SPOCK2: variants seen among roughly 807,000 people sequenced by gnomAD.
The protein encoded by SPOCK2 is SPARC (osteonectin), cwcv and kazal like domains proteoglycan 2, also known as testican-2.
Under a neutral mutation model 60.1 loss-of-function variants are expected in SPOCK2, and 39 were observed. That is an observed-to-expected ratio of 0.65 (90% confidence interval 0.50 to 0.85). SPOCK2 has a LOEUF of 0.85. Among genes scored for constraint, SPOCK2 ranks in the 40% least tolerant of loss-of-function variants. The probability of loss-of-function intolerance (pLI) is 0.00; values close to 1 mark genes in which losing one functional copy is unlikely to be tolerated. For synonymous variants in SPOCK2, 217 were observed against 231.5 expected (o/e 0.94, Z 0.57); for missense variants, 523 against 567.4 (o/e 0.92, Z 0.80).
chr10:72,073,788 C>T (rs1475998440), intron 1 of SPOCK2, among the ~76,000 whole-genome samples: 2 of 152,248 alleles, frequency 1.3e-5, no homozygotes, highest in African/African-American at 2.4e-5. Context: ...CAGAGAGCCT[C>T]CCACCTGACC....
chr10:72,084,271 G>A (rs1323716624), intron 1 of SPOCK2, among the ~76,000 whole-genome samples: 1 of 152,224 alleles, frequency 6.6e-6, no homozygotes, highest in Non-Finnish European at 1.5e-5. Flanking sequence ...CCAGCCCCCT[G>A]GCAAGGTGCC....
chr10:72,078,031 A>G (rs1477384035), intron 1 of SPOCK2, among the ~76,000 whole-genome samples: 1 of 152,158 alleles, frequency 6.6e-6, no homozygotes, highest in African/African-American at 2.4e-5. Context: ...GTTTGATCTC[A>G]TTTTGGGGAA....
intron 2 of SPOCK2, 150 bp downstream of exon 2, chr10:72,072,752 C>T: frequency 7.2e-7 from 1 of 1,396,492 alleles, no homozygotes; most frequent in Non-Finnish European, 9.9e-7. Context: ...AGAATCCTTT[C>T]CAGCCTCTCC....
At chr10:72,081,160 T>G (rs909257916) in intron 1 of SPOCK2, among the ~76,000 whole-genome samples, 6 of 152,200 alleles carry the variant, frequency 3.9e-5, no homozygotes, top group Admixed American at 3.9e-4. Context: ...GGGTTGCAGG[T>G]GCCTGCCCTT....
At chr10:72,073,628 C>T (rs189285135) in intron 1 of SPOCK2, among the ~76,000 whole-genome samples, 270 of 152,314 alleles carry the variant, frequency 1.8e-3, no homozygotes, top group Non-Finnish European at 2.8e-3. Context: ...CAGGTCCTCC[C>T]GTCACACAAC....
At chr10:72,078,291 G>T (rs913251457) in intron 1 of SPOCK2, among the ~76,000 whole-genome samples, 1 of 152,088 alleles carries the variant, frequency 6.6e-6, no homozygotes, top group East Asian at 1.9e-4. Flanking sequence ...CAAGGCGGGC[G>T]GATCACGAGG....
At chr10:72,072,458 T>C in intron 3 of SPOCK2, 45 bp downstream of exon 3, 1 of 1,613,006 alleles carries the variant, frequency 6.2e-7, no homozygotes, top group Non-Finnish European at 8.5e-7. Flanking sequence ...GTCTCAAGTC[T>C]TCACACGTGT....
chr10:72,067,744 AGAGAAG>A lies in SPOCK2; in HGVS notation c.590-18_590-13del. 6.2e-7 allele frequency: 1 copy of A among 1,612,230 alleles called. No homozygotes were observed. Among genetic ancestry groups the A allele is most frequent in the Non-Finnish European group, 8.5e-7 (1 of 1,179,358 alleles). ...ACCGGTGCAAGTCTCTGCAGAACAG[AGAGAAG>A]GCATGGAGGGCGAATGTGCAGTGGA... On this transcript the variant is annotated splice_polypyrimidine_tract_variant and intron_variant, in intron 6 of 10. Coordinates refer to ENST00000373109, the MANE Select transcript of SPOCK2 (RefSeq NM_001244950.2).
Position 72,072,456 on chromosome 10 carries a change from T to C in SPOCK2, c.244+47A>G, listed in dbSNP as rs1245231578. ...TAAGGGCTTGCCCTCTGGTCTCAAG[T>C]CTTCACACGTGTCAGTCACCTTCCC... On this transcript the variant is annotated intron_variant, in intron 3 of 10. Transcript: ENST00000373109. 3 of 1,612,678 alleles carry C rather than the reference T, an allele frequency of 1.9e-6. No individual in the cohort carries two copies. In the East Asian group the frequency reaches 6.7e-5, roughly 36 times the overall value.
At position 72,062,732 on chromosome 10, in the gene SPOCK2, C is replaced by G. The variant is rs541826991; in HGVS notation, c.*28G>C. Reference sequence around the variant, plus strand: ...CTGCTCAGAGCTCTGCTGTTGAGTCCCCCCCGGCAGCCGGCTCCTGAGGGC... The same window carrying G: ...CTGCTCAGAGCTCTGCTGTTGAGTCGCCCCCGGCAGCCGGCTCCTGAGGGC... On this transcript the variant is annotated 3_prime_UTR_variant, in exon 11 of 11. Transcript: ENST00000373109. This position sits in a 1 kb window ranked among gnomAD's most constrained non-coding sequence, Gnocchi z 4.3. The G allele has an allele frequency of 6.3e-7, 1 of 1,587,458 alleles. No individual in the cohort carries two copies. Among genetic ancestry groups the G allele is most frequent in the Non-Finnish European group, 8.5e-7 (1 of 1,173,830 alleles).
chr10:72,068,006 T>A (rs527792230), intron 6 of SPOCK2, among the ~76,000 whole-genome samples, 181 bp downstream of exon 6: 96 of 152,194 alleles, frequency 6.3e-4, no homozygotes, highest in Middle Eastern at 3.4e-3. Flanking sequence ...AAACGAGGGC[T>A]GAGCCCACGC....
chr10:72,082,359 C>T (rs778905148), intron 1 of SPOCK2, among the ~76,000 whole-genome samples: 15 of 152,188 alleles, frequency 9.9e-5, no homozygotes, highest in African/African-American at 1.9e-4. Flanking sequence ...TTCCCATCCA[C>T]GGCTCTTAGA....
At chr10:72,086,423 C>A (rs1840855410) in intron 1 of SPOCK2, 3 of 1,030,902 alleles carry the variant, frequency 2.9e-6, no homozygotes, top group Non-Finnish European at 3.5e-6. Flanking sequence ...CTTTCCTGTT[C>A]TGATTAAGCA....
chr10:72,087,126 A>C lies in SPOCK2; in HGVS notation c.189+1014T>G. ...GGGCCCATCCCCCACAGCACCCCCA[A>C]CGATCTCGGGGTCCAGCCACACCCT... On this transcript the variant is annotated intron_variant, in intron 1 of 10. Coordinates refer to ENST00000373109, the MANE Select transcript of SPOCK2 (RefSeq NM_001244950.2). This position sits in a 1 kb window ranked among gnomAD's most constrained non-coding sequence, Gnocchi z 4.7. 1 of 951,892 alleles carries C rather than the reference A, an allele frequency of 1.1e-6. No individual in the cohort carries two copies. Among genetic ancestry groups the C allele is most frequent in the Non-Finnish European group, 1.5e-6 (1 of 665,994 alleles). 59.0% of individuals were successfully genotyped at this position (951,892 alleles called of 1,614,324 possible). A position where few individuals can be genotyped will look rare whatever the true frequency, so the allele number is the denominator to read the frequency against.
intron 1 of SPOCK2, chr10:72,086,273 T>C: frequency 1.0e-6 from 1 of 987,110 alleles, no homozygotes; most frequent in Non-Finnish European, 1.2e-6. Context: ...AAGGGGGAAG[T>C]GGTTGGCACC....
At chr10:72,069,153 C>T (rs1840611666) in intron 5 of SPOCK2, 1 of 160,430 alleles carries the variant, frequency 6.2e-6, no homozygotes, top group Non-Finnish European at 1.3e-5. Context: ...ACACTAGCTC[C>T]TCTTCTTCTC....
chr10:72,075,099 G>A (rs902537262), intron 1 of SPOCK2, among the ~76,000 whole-genome samples: 2 of 152,102 alleles, frequency 1.3e-5, no homozygotes, highest in Admixed American at 6.5e-5. Context: ...TAAAACCAAC[G>A]AAGCCTTCTC....
chr10:72,079,824 C>T (rs1840760117), intron 1 of SPOCK2, among the ~76,000 whole-genome samples: 1 of 152,076 alleles, frequency 6.6e-6, no homozygotes, highest in African/African-American at 2.4e-5. Flanking sequence ...CCCCTACACC[C>T]CTCACCACCA....
At chr10:72,071,314 C>T (rs775771095) in intron 4 of SPOCK2, among the ~76,000 whole-genome samples, 2 of 152,052 alleles carry the variant, frequency 1.3e-5, no homozygotes, top group Non-Finnish European at 2.9e-5. Flanking sequence ...CTCAGCCACA[C>T]GAGTATCTGG....
Sources: gnomAD v4.1 joint callset for allele counts (sites outside exome capture counted in the v4.1 genomes callset) on GRCh38, gnomAD v4.1.1 for gene constraint, Gnocchi (gnomAD v3.1) non-coding constraint, MANE v1.5 for transcripts, NCBI Gene and HGNC (gene_info 2026-07-23, HGNC 2026-07-21) for gene names.